Variants in DPP10 observed in about 807,000 individuals in gnomAD.
DPP10 encodes the protein dipeptidyl peptidase like 10, also known as inactive dipeptidyl peptidase 10.
Under a neutral mutation model 120.9 loss-of-function variants are expected in DPP10, and 33 were observed. The ratio of observed to expected loss-of-function variants is 0.27; its 90% CI spans 0.21 to 0.37. The LOEUF (loss-of-function observed/expected upper bound fraction) is 0.37, where lower values mean the gene tolerates loss of function less well. Among genes scored for constraint, DPP10 ranks in the 10% least tolerant of loss-of-function variants. The pLI, the probability that DPP10 is intolerant of heterozygous loss-of-function variation, is 1.00. For missense variants in DPP10, 816 were observed against 942.8 expected (o/e 0.87, Z 1.76); for synonymous variants, 337 against 326.1 (o/e 1.03, Z -0.36).
At chr2:115,506,761 A>G (rs2076965285) in intron 4 of DPP10, among the ~76,000 whole-genome samples, 1 of 152,132 alleles carries the variant, frequency 6.6e-6, no homozygotes, top group African/African-American at 2.4e-5. Context: ...TCTATCAATC[A>G]ATCAACCAGT....
At chr2:114,476,965 CT>C (rs111901011) in intron 1 of DPP10, among the ~76,000 whole-genome samples, 36 of 146,780 alleles carry the variant, frequency 2.5e-4, no homozygotes, top group East Asian at 6.0e-4. Context: ...AAAATTGATT[CT>C]TTTTTTTTTT....
chr2:114,896,535 TTGTC>T (rs1374810442), intron 1 of DPP10, among the ~76,000 whole-genome samples: 2 of 152,062 alleles, frequency 1.3e-5, no homozygotes, highest in Non-Finnish European at 2.9e-5. Context: ...GGCTCTCTGT[TTGTC>T]TGTTATTGGT....
intron 3 of DPP10, among the ~76,000 whole-genome samples, chr2:115,384,408 GAGAAGAAGA>G (rs143889616): frequency 1.3e-5 from 2 of 148,888 alleles, no homozygotes; most frequent in Non-Finnish European, 3.0e-5. Context: ...GAAGGAGAAG[GAGAAGAAGA>G]AGAAGAAGAA....
Position 115,556,351 on chromosome 2 carries a change from T to A in DPP10, c.441+30379T>A, listed in dbSNP as rs541625227. ...AAACTTTCTTAAAACGTTGTGAGAT[T>A]TTTTTTTGGCAGGTTTTTTTTTTTT... On this transcript the variant is annotated intron_variant, in intron 5 of 25. Coordinates refer to ENST00000410059, the MANE Select transcript of DPP10 (RefSeq NM_020868.6). Among the ~76,000 whole-genome samples, 9 of 143,256 alleles carry A rather than the reference T, an allele frequency of 6.3e-5. No homozygotes were observed. The South Asian group carries it at 2.0e-3, about 32-fold the overall frequency. 94.0% of individuals were successfully genotyped at this position (143,256 alleles called of 152,430 possible). A position where few individuals can be genotyped will look rare whatever the true frequency, so the allele number is the denominator to read the frequency against.
At chr2:115,077,645 A>AT (rs1279271818) in intron 1 of DPP10, among the ~76,000 whole-genome samples, 1 of 152,186 alleles carries the variant, frequency 6.6e-6, no homozygotes, top group Non-Finnish European at 1.5e-5. Context: ...ATAACAACAG[A>AT]TTTTCACCTT....
chr2:115,377,865 A>G (rs2065939235), intron 3 of DPP10, among the ~76,000 whole-genome samples: 3 of 152,056 alleles, frequency 2.0e-5, no homozygotes, highest in Admixed American at 6.5e-5. Flanking sequence ...ATAGTTGCAG[A>G]TATGTGGCAT....
rs543457026 is a variant in DPP10, at chr2:115,398,449, T to C, written c.271+54537T>C. The stretch of plus-strand genomic sequence containing the variant: ...TTAAGAAAATTGCTTGAAATGAATC[T>C]CTTTTATGAGTTTTGGTAATTATTG... On this transcript the variant is annotated intron_variant, in intron 3 of 25. Transcript: ENST00000410059. Among the ~76,000 whole-genome samples the C allele has an allele frequency of 2.0e-5, 3 of 152,244 alleles. No individual in the cohort carries two copies. The East Asian group carries it at 5.8e-4, about 29-fold the overall frequency.
At chr2:114,859,165 TAA>T (rs71394112) in intron 1 of DPP10, among the ~76,000 whole-genome samples, 1 of 141,524 alleles carries the variant, frequency 7.1e-6, no homozygotes. Context: ...TGTCTCTACT[TAA>T]AAAAAAAAAG....
rs757052503 is a variant in DPP10, at chr2:115,402,854, AATAT to A, written c.271+58961_271+58964del. ...AGGACACTACAAGGAAAAAAAAAAA[AATAT>A]ATATATATATATATATATGTGTGTG... is the stretch of plus-strand genomic sequence containing the variant. On this transcript the variant is annotated intron_variant, in intron 3 of 25. Coordinates refer to ENST00000410059, the MANE Select transcript of DPP10 (RefSeq NM_020868.6). Among the ~76,000 whole-genome samples the A allele has an allele frequency of 1.9e-4, 19 of 97,640 alleles. No homozygotes were observed. In the East Asian group the frequency reaches 2.2e-3, roughly 12 times the overall value. The allele number at this position is 97,640 out of a possible 152,430, so 64.1% of individuals were successfully genotyped here.
In DPP10 at chr2:114,813,941, A is replaced by AACACACAC. The variant is rs375858356; in HGVS notation, c.60+371142_60+371149dup. On this transcript the variant is annotated intron_variant, in intron 1 of 25. Transcript: ENST00000410059. ...CCTGTGGCTTACAGTGGCACGCATG[A>AACACACAC]ACACACACACACACACACACACACA... Among the ~76,000 whole-genome samples the AACACACAC allele has an allele frequency of 4.4e-3, 620 of 139,472 alleles. 1 individual carries two copies. Among genetic ancestry groups the AACACACAC allele is most frequent in the South Asian group, 7.0e-3 (28 of 4,018 alleles). 91.5% of individuals were successfully genotyped at this position (139,472 alleles called of 152,430 possible). A position where few individuals can be genotyped will look rare whatever the true frequency, so the allele number is the denominator to read the frequency against.
intron 3 of DPP10, among the ~76,000 whole-genome samples, chr2:115,445,489 G>A (rs2072493663): frequency 6.6e-6 from 1 of 152,150 alleles, no homozygotes; most frequent in Non-Finnish European, 1.5e-5. Flanking sequence ...GATCTTAGAT[G>A]AACAGTTTCC....
intron 1 of DPP10, among the ~76,000 whole-genome samples, chr2:114,868,978 T>TA (rs1009794434): frequency 1.3e-5 from 2 of 152,064 alleles, no homozygotes; most frequent in East Asian, 3.9e-4. Context: ...GCAGGAGGGT[T>TA]AAAAAAGGCA....
intron 1 of DPP10, among the ~76,000 whole-genome samples, chr2:115,041,117 C>A (rs1428248257): frequency 1.0e-3 from 133 of 127,886 alleles, no homozygotes; most frequent in African/African-American, 1.5e-3. Flanking sequence ...TAGCTCAAAA[C>A]AAAAAAAAAA....
At chr2:115,816,241 CAAAG>C (rs1284966221) in intron 21 of DPP10, among the ~76,000 whole-genome samples, 1 of 151,934 alleles carries the variant, frequency 6.6e-6, no homozygotes, top group East Asian at 1.9e-4. Flanking sequence ...ATAAAGAAAA[CAAAG>C]AAAAACTGAT....
intron 3 of DPP10, among the ~76,000 whole-genome samples, chr2:115,362,096 C>T (rs1380323733): frequency 3.3e-5 from 5 of 152,056 alleles, no homozygotes; most frequent in African/African-American, 1.2e-4. Flanking sequence ...ACTTAATCAG[C>T]TTGGTTATAC....
chr2:114,867,330 C>T (rs1690320179), intron 1 of DPP10, among the ~76,000 whole-genome samples: 1 of 152,088 alleles, frequency 6.6e-6, no homozygotes, highest in African/African-American at 2.4e-5. Context: ...TTCTGGAACC[C>T]TTTGTTTGAA....
At chr2:115,037,103 G>A (rs1704275370) in intron 1 of DPP10, among the ~76,000 whole-genome samples, 1 of 152,142 alleles carries the variant, frequency 6.6e-6, no homozygotes, top group African/African-American at 2.4e-5. Context: ...GATCATGTGA[G>A]ATTCAGGGAG....
intron 3 of DPP10, among the ~76,000 whole-genome samples, chr2:115,347,538 T>C (rs1273491842): frequency 1.3e-5 from 2 of 152,124 alleles, no homozygotes; most frequent in African/African-American, 4.8e-5. Flanking sequence ...AACATGCAGG[T>C]TTGTTACATA....
At chr2:114,632,514 T>TG (rs1393838250) in intron 1 of DPP10, among the ~76,000 whole-genome samples, 1 of 135,078 alleles carries the variant, frequency 7.4e-6, no homozygotes, top group Non-Finnish European at 1.6e-5. Context: ...TTTTTTTTTT[T>TG]TTTTTTTTTT....
Sources: gnomAD v4.1 joint callset for allele counts (sites outside exome capture counted in the v4.1 genomes callset) on GRCh38, gnomAD v4.1.1 for gene constraint, MANE v1.5 for transcripts, NCBI Gene and HGNC (gene_info 2026-07-23, HGNC 2026-07-21) for gene names.